The following ARL15 variants were observed in gnomAD, a reference collection of about 807,000 sequenced individuals.
ARL15 encodes the protein ARF like GTPase 15.
ARL15 carries 19 observed loss-of-function variants against 25.2 expected under a neutral mutation model. That is an observed-to-expected ratio of 0.75 (90% CI 0.53 to 1.10). The LOEUF is 1.10. Among genes scored for constraint, ARL15 ranks in the 50% least tolerant of loss-of-function variants. The probability of loss-of-function intolerance (pLI) is 0.00; values close to 1 mark genes in which losing one functional copy is unlikely to be tolerated. For synonymous variants in ARL15, 94 were observed against 86.8 expected (o/e 1.08, Z -0.46); for missense variants, 220 against 246.0 (o/e 0.89, Z 0.71).
At chr5:53,991,204 C>T (rs539740716) in intron 4 of ARL15, among the ~76,000 whole-genome samples, 50 of 151,948 alleles carry the variant, frequency 3.3e-4, no homozygotes, top group Non-Finnish European at 6.0e-4. Context: ...GAAAGGGAGC[C>T]GGGGCATGGT....
intron 2 of ARL15, among the ~76,000 whole-genome samples, chr5:54,167,484 C>T (rs1754607783): frequency 6.6e-6 from 1 of 152,166 alleles, no homozygotes; most frequent in Admixed American, 6.5e-5. Context: ...AACTGCGTTT[C>T]CTGGCTTGAA....
chr5:53,910,633 T>TTATATATATATAGATATATA (rs1745421132), intron 4 of ARL15, among the ~76,000 whole-genome samples: 1 of 55,018 alleles, frequency 1.8e-5, no homozygotes, highest in Non-Finnish European at 3.4e-5. Context: ...TAAAAAAAAA[T>TTATATATATATAGATATATA]TATATATATA....
intron 4 of ARL15, among the ~76,000 whole-genome samples, chr5:53,887,967 A>ATG (rs757929611): frequency 6.6e-6 from 1 of 152,178 alleles, no homozygotes; most frequent in Non-Finnish European, 1.5e-5. Context: ...ATCTATATAT[A>ATG]AGAAATACTA....
At chr5:53,900,704 G>A (rs1450272715) in intron 4 of ARL15, among the ~76,000 whole-genome samples, 62 of 152,086 alleles carry the variant, frequency 4.1e-4, no homozygotes, top group Non-Finnish European at 1.5e-5. Context: ...GTTAGTAAAA[G>A]AAGAAAATTG....
At chr5:54,088,536 G>C (rs1214158574) in intron 4 of ARL15, among the ~76,000 whole-genome samples, 1 of 152,162 alleles carries the variant, frequency 6.6e-6, no homozygotes, top group African/African-American at 2.4e-5. Flanking sequence ...CTTGGTCAGA[G>C]GTAGATTAAC....
chr5:53,980,119 C>A (rs1288977330), intron 4 of ARL15, among the ~76,000 whole-genome samples: 1 of 70,890 alleles, frequency 1.4e-5, no homozygotes, highest in Non-Finnish European at 2.8e-5. Context: ...CTAAATTATA[C>A]TTTTTGCTTT....
At chr5:54,304,245 C>T (rs1020317862) in intron 1 of ARL15, among the ~76,000 whole-genome samples, 5 of 152,236 alleles carry the variant, frequency 3.3e-5, no homozygotes, top group South Asian at 4.1e-4. Flanking sequence ...GGGCCACAAG[C>T]GCAGTTCAAC....
intron 4 of ARL15, among the ~76,000 whole-genome samples, chr5:53,914,704 T>C (rs542322661): frequency 1.3e-5 from 2 of 152,350 alleles, no homozygotes; most frequent in South Asian, 2.1e-4. Flanking sequence ...GCTCAGAGTG[T>C]TCACTGAATG....
chr5:54,114,061 GAGATA>G (rs576407963), intron 3 of ARL15, among the ~76,000 whole-genome samples: 49 of 152,194 alleles, frequency 3.2e-4, no homozygotes, highest in African/African-American at 1.1e-3. Flanking sequence ...TGATCTCAAT[GAGATA>G]AGATGTTTAT....
intron 1 of ARL15, among the ~76,000 whole-genome samples, chr5:54,200,201 G>A (rs1006924842): frequency 2.0e-5 from 3 of 151,276 alleles, no homozygotes; most frequent in Non-Finnish European, 4.4e-5. Context: ...GCTAGATGAC[G>A]AGTTAGTGGG....
At chr5:54,212,026 T>G (rs957721416) in intron 1 of ARL15, among the ~76,000 whole-genome samples, 3 of 152,130 alleles carry the variant, frequency 2.0e-5, no homozygotes, top group African/African-American at 7.2e-5. Context: ...TCATGTTAGG[T>G]GCTTTAAACG....
At chr5:54,133,099 T>C (rs919397560) in intron 3 of ARL15, among the ~76,000 whole-genome samples, 10 of 152,200 alleles carry the variant, frequency 6.6e-5, no homozygotes, top group Non-Finnish European at 1.3e-4. Context: ...GAATTTTCTG[T>C]TTTTAATATC....
intron 4 of ARL15, among the ~76,000 whole-genome samples, chr5:54,016,294 C>T (rs562507467): frequency 3.2e-4 from 48 of 152,218 alleles, no homozygotes; most frequent in Admixed American, 5.9e-4. Context: ...GTAATCTTCA[C>T]GAAATCCCTG....
intron 3 of ARL15, among the ~76,000 whole-genome samples, chr5:54,136,254 G>A (rs977923609): frequency 1.3e-4 from 20 of 152,162 alleles, no homozygotes; most frequent in African/African-American, 4.1e-4. Context: ...TTTAATATGC[G>A]ATTTTCTAAT....
At chr5:54,037,987 A>T (rs1750224653) in intron 4 of ARL15, among the ~76,000 whole-genome samples, 1 of 152,086 alleles carries the variant, frequency 6.6e-6, no homozygotes, top group Non-Finnish European at 1.5e-5. Context: ...CTTAGAAATA[A>T]TTTTTTATTT....
chr5:53,947,170 GTGTGTGTGT>G (rs746262207), intron 4 of ARL15, among the ~76,000 whole-genome samples: 729 of 45,430 alleles, frequency 0.016, 6 homozygotes, highest in Non-Finnish European at 0.022. Context: ...AAATAAGGGT[GTGTGTGTGT>G]GTGTGTGTGT....
At chr5:53,976,429 G>C (rs1747925592) in intron 4 of ARL15, among the ~76,000 whole-genome samples, 2 of 152,338 alleles carry the variant, frequency 1.3e-5, no homozygotes, top group Admixed American at 6.5e-5. Flanking sequence ...TCTATGCATA[G>C]AGCGTCTTCT....
chr5:54,273,010 G>A (rs1048046539), intron 1 of ARL15, among the ~76,000 whole-genome samples: 11 of 152,074 alleles, frequency 7.2e-5, no homozygotes, highest in Non-Finnish European at 1.5e-4. Flanking sequence ...GAACTACCTA[G>A]TATAGAATTA....
chr5:54,187,000 C>G (rs1039457743), intron 1 of ARL15, among the ~76,000 whole-genome samples: 3 of 151,574 alleles, frequency 2.0e-5, no homozygotes, highest in Admixed American at 2.0e-4. Flanking sequence ...TCCTTTTGTA[C>G]AAAACAGGGT....
Sources: allele counts gnomAD v4.1 joint callset (sites outside exome capture counted in the v4.1 genomes callset), GRCh38; gene constraint gnomAD v4.1.1; transcripts MANE v1.5; gene names NCBI Gene and HGNC (gene_info 2026-07-23, HGNC 2026-07-21).